The following LRRN3 variants were observed in gnomAD, a reference collection of about 807,000 sequenced individuals.
LRRN3 encodes the protein leucine-rich repeat neuronal protein 3.
In LRRN3, 15 loss-of-function variants were observed where a neutral mutation model predicts 40.1. The observed-to-expected ratio is 0.37, with a 90% CI of 0.25 to 0.58. The LOEUF (loss-of-function observed/expected upper bound fraction) is 0.58. Among genes scored for constraint, LRRN3 ranks in the 20% least tolerant of loss-of-function variants. The pLI, the probability that LRRN3 is intolerant of heterozygous loss-of-function variation, is 0.72. For missense variants in LRRN3, 746 were observed against 837.7 expected, an observed-to-expected ratio of 0.89 and a Z score of 1.35; for synonymous variants, 308 against 297.2, an observed-to-expected ratio of 1.04 and a Z score of -0.37.
At chr7:111,111,242 C>G (rs1266998483) in intron 2 of LRRN3, among the ~76,000 whole-genome samples, 1 of 149,800 alleles carries the variant, frequency 6.7e-6, no homozygotes, top group Non-Finnish European at 1.5e-5. Context: ...CATGTACAAC[C>G]TTGCAAAAAG....
rs1371660602 is a variant in LRRN3, at chr7:111,123,085, T to A, written c.313T>A (p.Ser105Thr). 1 of 1,613,818 alleles carries A rather than the reference T, an allele frequency of 6.2e-7. No individual in the cohort carries two copies. The highest frequency in any genetic ancestry group is 2.2e-5 in the East Asian group (1 of 44,826). ...TGLDLSQNNL[S>T]SVTNINVKKM... The stretch of plus-strand genomic sequence containing the variant: ...CCTGGATTTATCTCAAAACAATTTA[T>A]CTTCAGTCACCAATATTAATGTAAA... Residue 105 changes from serine to threonine, a missense_variant, in exon 3 of 3, where the codon TCT becomes ACT. Physicochemically the swap from Ser to Thr is moderately conservative, Grantham distance 58. Coordinates refer to ENST00000308478, the MANE Select transcript of LRRN3 (RefSeq NM_001099658.2). This position sits in a 1 kb window ranked among gnomAD's most constrained non-coding sequence, Gnocchi z 6.4.
intron 2 of LRRN3, among the ~76,000 whole-genome samples, chr7:111,105,889 T>C (rs1195688697): frequency 6.6e-6 from 1 of 151,914 alleles, no homozygotes; most frequent in African/African-American, 2.4e-5. Context: ...TTAGCCAGTT[T>C]AACTCCACTG....
intron 2 of LRRN3, among the ~76,000 whole-genome samples, chr7:111,116,778 A>G (rs1799928543): frequency 1.3e-5 from 2 of 152,184 alleles, no homozygotes; most frequent in African/African-American, 4.8e-5. Context: ...GAAACACCCA[A>G]CAATAATAAC....
chr7:111,109,479 A>T (rs1798936474), intron 2 of LRRN3, among the ~76,000 whole-genome samples: 1 of 152,172 alleles, frequency 6.6e-6, no homozygotes, highest in African/African-American at 2.4e-5. Flanking sequence ...GTGTTTCATT[A>T]ACAACTAGTA....
intron 2 of LRRN3, among the ~76,000 whole-genome samples, chr7:111,111,629 C>T (rs575337761): frequency 3.3e-5 from 5 of 152,002 alleles, no homozygotes; most frequent in South Asian, 2.1e-4. Context: ...AAAGCTCTTA[C>T]GAACAGAAAT....
At chr7:111,103,789 C>CA (rs1393203892) in intron 2 of LRRN3, among the ~76,000 whole-genome samples, 1 of 151,564 alleles carries the variant, frequency 6.6e-6, no homozygotes, top group Non-Finnish European at 1.5e-5. Context: ...ATTTTCACAA[C>CA]ATTCCTTTCA....
intron 1 of LRRN3, among the ~76,000 whole-genome samples, chr7:111,098,761 C>A (rs1047927083): frequency 8.6e-5 from 13 of 151,634 alleles, no homozygotes; most frequent in Non-Finnish European, 1.9e-4. Flanking sequence ...AAGTAACTTG[C>A]CATAACTAAT....
chr7:111,113,128 T>A (rs1799440215), intron 2 of LRRN3, among the ~76,000 whole-genome samples: 1 of 152,190 alleles, frequency 6.6e-6, no homozygotes, highest in South Asian at 2.1e-4. Flanking sequence ...AATATAATTT[T>A]AAGATTTCTG....
intron 2 of LRRN3, among the ~76,000 whole-genome samples, chr7:111,121,596 A>T (rs1800623564): frequency 1.3e-5 from 2 of 152,180 alleles, no homozygotes; most frequent in Admixed American, 1.3e-4. Flanking sequence ...GCTAGAGAGG[A>T]TGTGGAGAAA....
At chr7:111,120,025 A>G (rs535557857) in intron 2 of LRRN3, among the ~76,000 whole-genome samples, 4 of 152,322 alleles carry the variant, frequency 2.6e-5, no homozygotes, top group Non-Finnish European at 5.9e-5. Context: ...AGGCAGAGTG[A>G]TGCAACCATA....
intron 1 of LRRN3, among the ~76,000 whole-genome samples, chr7:111,094,240 G>A (rs555553147): frequency 3.3e-5 from 5 of 151,724 alleles, no homozygotes; most frequent in African/African-American, 4.8e-5. Flanking sequence ...CCGGAGTTTC[G>A]TTTTAAAAAA....
chr7:111,121,556 C>G (rs1382228790), intron 2 of LRRN3, among the ~76,000 whole-genome samples: 1 of 152,106 alleles, frequency 6.6e-6, no homozygotes, highest in East Asian at 1.9e-4. Flanking sequence ...GTTAGAATGG[C>G]AATCATTAAA....
At chr7:111,104,190 A>G (rs184254686) in intron 2 of LRRN3, among the ~76,000 whole-genome samples, 134 of 151,740 alleles carry the variant, frequency 8.8e-4, no homozygotes, top group African/African-American at 3.2e-3. Flanking sequence ...TGCCTTTACT[A>G]TTCGCATCTT....
intron 2 of LRRN3, among the ~76,000 whole-genome samples, chr7:111,122,030 G>A (rs1364401822): frequency 6.8e-6 from 1 of 147,708 alleles, no homozygotes; most frequent in Non-Finnish European, 1.5e-5. Context: ...ACTGAACAAT[G>A]AGAACACATG....
chr7:111,124,882 C>G lies in LRRN3; in HGVS notation c.2110C>G (p.Pro704Ala). 1.9e-6 allele frequency: 3 copies of G among 1,581,768 alleles called. No homozygotes were observed. Among genetic ancestry groups the G allele is most frequent in the Non-Finnish European group, 2.6e-6 (3 of 1,169,170 alleles). ...AGTAAAAGCAACTGTTATAGGTTTA[C>G]CAACAAATATGTCCTAAAAACCACC... is the stretch of plus-strand genomic sequence containing the variant. ...LKVKATVIGL[P>A]TNMS is the part of the protein sequence containing the mutation. Residue 704 changes from proline to alanine, a missense_variant, in exon 3 of 3, where the codon CCA (proline) becomes GCA (alanine). Physicochemically the swap from Pro to Ala is conservative, Grantham distance 27 (BLOSUM62 -1). Transcript: ENST00000308478.
rs1288154414 is a variant in LRRN3 at position 111,123,241 on chromosome 7, C to G, written c.469C>G (p.Pro157Ala). 1.9e-6 allele frequency: 3 copies of G among 1,613,738 alleles called. No homozygotes were observed. Among genetic ancestry groups the G allele is most frequent in the Non-Finnish European group, 2.5e-6 (3 of 1,179,918 alleles). ...INHNLLSTIS[P>A]GAFIGLHNLL... ...TCACAACTTGCTTTCTACAATTTCA[C>G]CTGGAGCCTTTATTGGCCTACATAA... Residue 157 changes from proline to alanine, a missense_variant, in exon 3 of 3, where the codon CCT (proline) becomes GCT (alanine). Coordinates refer to ENST00000308478, the MANE Select transcript of LRRN3 (RefSeq NM_001099658.2). This position sits in a 1 kb window ranked among gnomAD's most constrained non-coding sequence, Gnocchi z 6.4.
intron 2 of LRRN3, among the ~76,000 whole-genome samples, chr7:111,109,221 A>G (rs1798903951): frequency 6.6e-6 from 1 of 152,170 alleles, no homozygotes; most frequent in African/African-American, 2.4e-5. Context: ...GTTCATTGCC[A>G]GCTACATGAT....
At chr7:111,098,093 A>G (rs577646545) in intron 1 of LRRN3, among the ~76,000 whole-genome samples, 100 of 151,988 alleles carry the variant, frequency 6.6e-4, no homozygotes, top group African/African-American at 2.3e-3. Flanking sequence ...AAGAACATAT[A>G]AACTTTGAAA....
In LRRN3 at chr7:111,124,773, G is replaced by C. The variant is rs1375902975; in HGVS notation, c.2001G>C (p.Gln667His). 6.2e-7 allele frequency: 1 copy of C among 1,613,754 alleles called. No individual in the cohort carries two copies. Among genetic ancestry groups the C allele is most frequent in the African/African-American group, 1.3e-5 (1 of 75,000 alleles). The change falls in exon 3 of 3, where the codon CAG becomes CAC. Residue 667 changes from glutamine (Q) to histidine (H), a missense_variant. Coordinates refer to ENST00000308478, the MANE Select transcript of LRRN3 (RefSeq NM_001099658.2). Reference sequence around the variant, plus strand: ...ACAGCTATGTGAGGAATTACTTACAGAAACCAACCTTTGCATTAGGTGAGC... The same window carrying C: ...ACAGCTATGTGAGGAATTACTTACACAAACCAACCTTTGCATTAGGTGAGC... Reference protein sequence around the residue: ...GGHSYVRNYLQKPTFALGELY... With the variant: ...GGHSYVRNYLHKPTFALGELY...
Sources: gnomAD v4.1 joint callset for allele counts (sites outside exome capture counted in the v4.1 genomes callset) on GRCh38, gnomAD v4.1.1 for gene constraint, Gnocchi (gnomAD v3.1) non-coding constraint, MANE v1.5 for transcripts, NCBI Gene and HGNC (gene_info 2026-07-23, HGNC 2026-07-21) for gene names.